CLP1: variants seen among roughly 807,000 people sequenced by gnomAD.
The protein encoded by CLP1 is polyribonucleotide 5'-hydroxyl-kinase Clp1.
Under a neutral mutation model 29.9 loss-of-function variants are expected in CLP1, and 18 were observed. That is an observed-to-expected ratio of 0.60 (90% CI 0.42 to 0.89). CLP1 has a LOEUF of 0.89. Among genes scored for constraint, CLP1 ranks in the 40% least tolerant of loss-of-function variants. CLP1 has a pLI of 0.00. For synonymous variants in CLP1, 162 were observed against 206.2 expected, an observed-to-expected ratio of 0.79 and a Z score of 1.84; for missense variants, 357 against 544.8, an observed-to-expected ratio of 0.66 and a Z score of 3.43.
intron 2 of CLP1, 107 bp from the exon 3 acceptor site, chr11:57,660,658 A>G (rs1945866761): frequency 9.8e-7 from 1 of 1,021,472 alleles, no homozygotes; most frequent in South Asian, 1.6e-5. Context: ...CATTTCAAAA[A>G]AAAAATCATT....
Position 57,661,642 on chromosome 11 carries a change from G to T in CLP1, c.*206G>T. 1 of 552,834 alleles carries T rather than the reference G, an allele frequency of 1.8e-6. No individual in the cohort carries two copies. The highest frequency in any genetic ancestry group is 3.2e-6 in the Non-Finnish European group (1 of 313,540). 34.2% of individuals were successfully genotyped at this position (552,834 alleles called of 1,614,324 possible). Reference sequence around the variant, plus strand: ...AAAGGAAAACCATGAGACTGTAATTGGTTTCTTAGACCACCTAAGATGCCA... The same window carrying T: ...AAAGGAAAACCATGAGACTGTAATTTGTTTCTTAGACCACCTAAGATGCCA... On this transcript the variant is annotated 3_prime_UTR_variant, in exon 3 of 3. Transcript: ENST00000533682.
rs1945852370 is a variant in CLP1, at chr11:57,659,425, A to G, written c.-22-30A>G. 5 of 1,602,270 alleles carry G rather than the reference A, an allele frequency of 3.1e-6. No homozygotes were observed. In the East Asian group the frequency reaches 1.1e-4, roughly 36 times the overall value. ...TTTTGTAACAGAAGACTGACTTATAATTAGATCTGATATTTAATTTGTGTT... is the reference window on the plus strand; with the variant it reads ...TTTTGTAACAGAAGACTGACTTATAGTTAGATCTGATATTTAATTTGTGTT... On this transcript the variant is annotated intron_variant, in intron 1 of 2. Transcript: ENST00000533682.
Position 57,659,762 on chromosome 11 carries a change from A to C in CLP1, c.286A>C (p.Thr96Pro), listed in dbSNP as rs1945856621. The C allele has an allele frequency of 6.2e-7, 1 of 1,614,042 alleles. No individual in the cohort carries two copies. Among genetic ancestry groups the C allele is most frequent in the Non-Finnish European group, 8.5e-7 (1 of 1,180,046 alleles). ...KDTPMLLYLNTHTALEQMRRQ... is the reference protein window; with the variant it reads ...KDTPMLLYLNPHTALEQMRRQ... ...CACTCCTATGTTGCTTTACCTCAAC[A>C]CTCACACAGCCTTGGAACAGATGCG... The change falls in exon 2 of 3, where the codon ACT (threonine) becomes CCT (proline). Residue 96 changes from threonine (T) to proline (P), a missense_variant. Transcript: ENST00000533682.
At chr11:57,659,408 C>A in intron 1 of CLP1, 47 bp from the exon 2 acceptor site, 1 of 1,572,932 alleles carries the variant, frequency 6.4e-7, no homozygotes, top group Non-Finnish European at 8.7e-7. Flanking sequence ...GTTTTTGTAA[C>A]AGAAGACTGA....
chr11:57,659,386 G>T (rs965589387), intron 1 of CLP1, 69 bp from the exon 2 acceptor site: 1 of 1,461,294 alleles, frequency 6.8e-7, no homozygotes, highest in Non-Finnish European at 9.3e-7. Flanking sequence ...ACCATGCCTG[G>T]CCCCATTGGA....
In CLP1 at chr11:57,659,484, A is replaced by G. The variant is rs749264917; in HGVS notation, c.8A>G (p.Glu3Gly). The change falls in exon 2 of 3, where the codon GAA becomes GGA. Residue 3 changes from glutamate (E) to glycine (G), a missense_variant. Glu to Gly is a moderately conservative substitution (Grantham distance 98). Coordinates refer to ENST00000533682, the MANE Select transcript of CLP1 (RefSeq NM_006831.3). MG[E>G]EANDDKKPTT... ...AGCAGCTACACAGAAGAGATGGGAG[A>G]AGAGGCTAATGATGACAAGAAGCCA... The G allele has an allele frequency of 5.0e-6, 8 of 1,613,984 alleles. No homozygotes were observed. The Admixed American group carries it at 1.0e-4, about 20-fold the overall frequency.
chr11:57,660,203 G>A, intron 2 of CLP1, 121 bp downstream of exon 2: 1 of 1,055,708 alleles, frequency 9.5e-7, no homozygotes, highest in Non-Finnish European at 1.3e-6. Flanking sequence ...ACTTTAGAAA[G>A]GCAATTCCAA....
In CLP1 at chr11:57,659,890, A is replaced by T. The variant is rs372083969; in HGVS notation, c.414A>T (p.Ala138=). ...TGTGTCGCCTTCTGCTCAACTACGC[A>T]GTGCGTTTGGGCCGCCGTCCCACTT... ...STVCRLLLNY[A]VRLGRRPTYV... is the part of the protein sequence containing the mutation. Residue 138 remains alanine (A), a synonymous_variant, in exon 2 of 3, where the codon GCA becomes GCT. Coordinates refer to ENST00000533682, the MANE Select transcript of CLP1 (RefSeq NM_006831.3). 3.1e-6 allele frequency: 5 copies of T among 1,614,140 alleles called. No homozygotes were observed. In the South Asian group the frequency reaches 4.4e-5, roughly 14 times the overall value.
rs1354254313 is a variant in CLP1, at chr11:57,660,029, G to A, written c.553G>A (p.Val185Met). ...EEGFSIQAPL[V>M]YHFGSTTPGT... is the part of the protein sequence containing the mutation. ...GGGTTTCTCTATCCAGGCCCCTCTG[G>A]TGTATCATTTTGGTTCCACCACTCC... Residue 185 changes from valine (V) to methionine (M), a missense_variant, in exon 2 of 3, where the codon GTG (valine) becomes ATG (methionine). By Grantham distance (21) the Val-to-Met change is conservative (BLOSUM62 1). Transcript: ENST00000533682. 1 of 1,607,390 alleles carries A rather than the reference G, an allele frequency of 6.2e-7. No individual in the cohort carries two copies. The highest frequency in any genetic ancestry group is 8.5e-7 in the Non-Finnish European group (1 of 1,176,092).
intron 1 of CLP1, among the ~76,000 whole-genome samples, chr11:57,658,799 G>A (rs1029767753): frequency 2.0e-5 from 3 of 151,932 alleles, no homozygotes; most frequent in Admixed American, 1.3e-4. Context: ...CATTATGCCT[G>A]GCTAATTTTT....
intron 2 of CLP1, among the ~76,000 whole-genome samples, chr11:57,660,312 CAT>C (rs1379017709): frequency 1.3e-5 from 2 of 152,124 alleles, no homozygotes; most frequent in Middle Eastern, 3.2e-3. Flanking sequence ...GAAGCAGCAA[CAT>C]AAAAATTAAA....
chr11:57,659,779 A>G lies in CLP1; in HGVS notation c.303A>G (p.Glu101=). ...LLYLNTHTAL[E]QMRRQAEKEE... is the part of the protein sequence containing the mutation. ...ACCTCAACACTCACACAGCCTTGGA[A>G]CAGATGCGGAGGCAAGCGGAAAAGG... The change falls in exon 2 of 3, where the codon GAA becomes GAG. Residue 101 remains glutamate, a synonymous_variant. Transcript: ENST00000533682. 1 of 1,614,182 alleles carries G rather than the reference A, an allele frequency of 6.2e-7. No homozygotes were observed. The highest frequency in any genetic ancestry group is 1.1e-5 in the South Asian group (1 of 91,086).
chr11:57,659,365 A>G, intron 1 of CLP1, 90 bp from the exon 2 acceptor site: 1 of 1,270,700 alleles, frequency 7.9e-7, no homozygotes. Context: ...CTGGGATTAC[A>G]GGCGTGAGCC....
At position 57,659,703 on chromosome 11, in the gene CLP1, G is replaced by A. The variant is rs1945856036; in HGVS notation, c.227G>A (p.Ser76Asn). The change falls in exon 2 of 3, where the codon AGC becomes AAC. Residue 76 changes from serine (S) to asparagine (N), a missense_variant. Transcript: ENST00000533682. ...FTWHGCSVQL[S>N]GRTEVAYVSK... is the part of the protein sequence containing the mutation. Reference sequence around the variant, plus strand: ...TGGCATGGCTGTTCTGTGCAACTGAGCGGCCGCACTGAGGTGGCTTATGTC... The same window carrying A: ...TGGCATGGCTGTTCTGTGCAACTGAACGGCCGCACTGAGGTGGCTTATGTC... 1.2e-6 allele frequency: 2 copies of A among 1,614,002 alleles called. No individual in the cohort carries two copies. Among genetic ancestry groups the A allele is most frequent in the African/African-American group, 1.3e-5 (1 of 74,894 alleles).
Position 57,661,012 on chromosome 11 carries a change from T to A in CLP1, c.854T>A (p.Val285Glu). The change falls in exon 3 of 3, where the codon GTG (valine) becomes GAG (glutamate). Residue 285 changes from valine to glutamate, a missense_variant. Coordinates refer to ENST00000533682, the MANE Select transcript of CLP1 (RefSeq NM_006831.3). ...GTGCTGCTCCCTAAATCTGGGGGTG[T>A]GGTGGAGCGCTCCAAGGACTTCCGG... ...RTVLLPKSGG[V>E]VERSKDFRRE... is the part of the protein sequence containing the mutation. The A allele has an allele frequency of 6.2e-7, 1 of 1,614,214 alleles. No homozygotes were observed. Among genetic ancestry groups the A allele is most frequent in the Non-Finnish European group, 8.5e-7 (1 of 1,180,048 alleles).
intron 1 of CLP1, among the ~76,000 whole-genome samples, chr11:57,658,247 C>T (rs1268379448): frequency 6.6e-6 from 1 of 152,188 alleles, no homozygotes; most frequent in Non-Finnish European, 1.5e-5. Flanking sequence ...TGCTTTGCAT[C>T]CGTATTTCAG....
At position 57,660,814 on chromosome 11, in the gene CLP1, G is replaced by A. The variant is rs372647012; in HGVS notation, c.656G>A (p.Arg219Gln). ...DVFNQRCEVN[R>Q]RASVSGCVIN... Reference sequence around the variant, plus strand: ...TTCAACCAAAGGTGTGAGGTGAACCGAAGGGCATCTGTGAGTGGCTGTGTC... The same window carrying A: ...TTCAACCAAAGGTGTGAGGTGAACCAAAGGGCATCTGTGAGTGGCTGTGTC... The change falls in exon 3 of 3, where the codon CGA becomes CAA. Residue 219 changes from arginine (R) to glutamine (Q), a missense_variant. Coordinates refer to ENST00000533682, the MANE Select transcript of CLP1 (RefSeq NM_006831.3). 3.1e-5 allele frequency: 50 copies of A among 1,611,854 alleles called. No individual in the cohort carries two copies. Among genetic ancestry groups the A allele is most frequent in the Admixed American group, 6.7e-5 (4 of 59,938 alleles).
rs759092856 is a variant in CLP1, at chr11:57,661,406, C to T, written c.1248C>T (p.Ile416=). ...CACTGCCTAAGAACTTCCTTCTCAT[C>T]ATGGATATCCGGTTCATGGATCTGA... The part of the protein sequence containing the change: ...PRPLPKNFLL[I]MDIRFMDLK Residue 416 remains isoleucine, a synonymous_variant, in exon 3 of 3, where the codon ATC becomes ATT. Coordinates refer to ENST00000533682, the MANE Select transcript of CLP1 (RefSeq NM_006831.3). The T allele has an allele frequency of 7.4e-6, 12 of 1,612,600 alleles. No individual in the cohort carries two copies. The highest frequency in any genetic ancestry group is 1.0e-5 in the Non-Finnish European group (12 of 1,179,276).
rs746135188 is a variant in CLP1, at chr11:57,661,149, G to T, written c.991G>T (p.Ala331Ser). The T allele has an allele frequency of 6.2e-7, 1 of 1,614,148 alleles. No individual in the cohort carries two copies. The highest frequency in any genetic ancestry group is 8.5e-7 in the Non-Finnish European group (1 of 1,180,034). ...AGATGTGAAAATCTACAAAGTTGGG[G>T]CACCCACCATCCCAGACTCCTGTTT... Reference protein sequence around the residue: ...FSDVKIYKVGAPTIPDSCLPL... With the variant: ...FSDVKIYKVGSPTIPDSCLPL... The change falls in exon 3 of 3, where the codon GCA (alanine) becomes TCA (serine). Residue 331 changes from alanine (A) to serine (S), a missense_variant. Coordinates refer to ENST00000533682, the MANE Select transcript of CLP1 (RefSeq NM_006831.3).
Sources: allele counts gnomAD v4.1 joint callset (sites outside exome capture counted in the v4.1 genomes callset), GRCh38; gene constraint gnomAD v4.1.1; transcripts MANE v1.5; gene names NCBI Gene and HGNC (gene_info 2026-07-23, HGNC 2026-07-21).